The following HS3ST4 variants were observed in gnomAD, a reference collection of about 807,000 sequenced individuals.
HS3ST4 encodes the protein heparan sulfate-glucosamine 3-sulfotransferase 4.
HS3ST4 carries 17 observed loss-of-function variants against 29.2 expected under a neutral mutation model. That is an observed-to-expected ratio of 0.58 (90% CI 0.40 to 0.87). HS3ST4 has a LOEUF of 0.87. HS3ST4 is among the 40% of genes least tolerant of loss of function. HS3ST4 has a pLI of 0.00. For missense variants in HS3ST4, 627 were observed against 634.5 expected, an observed-to-expected ratio of 0.99 and a Z score of 0.13; for synonymous variants, 314 against 285.7, an observed-to-expected ratio of 1.10 and a Z score of -1.00.
chr16:26,042,577 A>T (rs1019298358), intron 1 of HS3ST4, among the ~76,000 whole-genome samples: 6 of 152,246 alleles, frequency 3.9e-5, no homozygotes, highest in African/African-American at 1.2e-4. Flanking sequence ...TTACATCCAA[A>T]TGCATCTGAA....
chr16:26,043,244 C>T (rs1488807221), intron 1 of HS3ST4, among the ~76,000 whole-genome samples: 2 of 152,184 alleles, frequency 1.3e-5, no homozygotes, highest in South Asian at 2.1e-4. Flanking sequence ...AGCAACTTTA[C>T]AATAGCTAGG....
Position 25,854,091 on chromosome 16 carries a change from T to C in HS3ST4, c.734+160940T>C, listed in dbSNP as rs372514530. On this transcript the variant is annotated intron_variant, in intron 1 of 1. Coordinates refer to ENST00000331351, the MANE Select transcript of HS3ST4 (RefSeq NM_006040.3). ...GCTTTGTAGGTTGTATGGATTTCTT[T>C]TTTGTCCATCTGTTTAGCCACTCCA... Among the ~76,000 whole-genome samples, 4 of 151,694 alleles carry C rather than the reference T, an allele frequency of 2.6e-5. No homozygotes were observed. The East Asian group carries it at 7.7e-4, about 29-fold the overall frequency.
rs1555470009 is a variant in HS3ST4 at position 25,873,471 on chromosome 16, C to CATTTATCT, written c.734+180322_734+180323insTTATCTAT. ...CCACCCATCCATTTACCCACCCATC[C>CATTTATCT]ATCTATCTCTCTATCTATCTATCTA... On this transcript the variant is annotated intron_variant, in intron 1 of 1. Coordinates refer to ENST00000331351, the MANE Select transcript of HS3ST4 (RefSeq NM_006040.3). 8.8e-5 allele frequency among the ~76,000 whole-genome samples: 8 copies of CATTTATCT among 90,906 alleles called. No individual in the cohort carries two copies. The East Asian group carries it at 1.2e-3, about 13-fold the overall frequency. 59.6% of individuals were successfully genotyped at this position (90,906 alleles called of 152,430 possible).
At chr16:26,048,736 G>T (rs10163432) in intron 1 of HS3ST4, among the ~76,000 whole-genome samples, 1,721 of 152,264 alleles carry the variant, frequency 0.011, 35 homozygotes, top group African/African-American at 0.038. Context: ...GGGAAGCTGA[G>T]GTGGGAGGAT....
At chr16:26,095,647 G>C (rs1371174091) in intron 1 of HS3ST4, among the ~76,000 whole-genome samples, 4 of 152,162 alleles carry the variant, frequency 2.6e-5, no homozygotes, top group Non-Finnish European at 5.9e-5. Flanking sequence ...AGCACTAAAT[G>C]CCCACAAGAG....
chr16:25,835,149 G>T (rs1412255957), intron 1 of HS3ST4, among the ~76,000 whole-genome samples: 1 of 152,194 alleles, frequency 6.6e-6, no homozygotes, highest in Non-Finnish European at 1.5e-5. Flanking sequence ...CCTATTTAAT[G>T]TCTAAAATGT....
chr16:25,962,108 C>T (rs773051267), intron 1 of HS3ST4, among the ~76,000 whole-genome samples: 13 of 152,150 alleles, frequency 8.5e-5, no homozygotes, highest in African/African-American at 1.2e-4. Flanking sequence ...CTTGAACACA[C>T]CCAGTAGCCT....
At chr16:25,828,259 T>TCTTC in intron 1 of HS3ST4, among the ~76,000 whole-genome samples, 1 of 80,580 alleles carries the variant, frequency 1.2e-5, no homozygotes, top group Non-Finnish European at 2.5e-5. Context: ...TTTCTTTCTT[T>TCTTC]CTTTCTTTCT....
chr16:25,872,173 A>T (rs1479556110), intron 1 of HS3ST4, among the ~76,000 whole-genome samples: 1 of 152,198 alleles, frequency 6.6e-6, no homozygotes, highest in Non-Finnish European at 1.5e-5. Flanking sequence ...TGTCTCTCAA[A>T]TCCCAGAGCG....
At chr16:25,897,102 T>C (rs909522409) in intron 1 of HS3ST4, among the ~76,000 whole-genome samples, 2 of 152,076 alleles carry the variant, frequency 1.3e-5, no homozygotes, top group Non-Finnish European at 2.9e-5. Context: ...CAGCATTATG[T>C]AATATACCTT....
At chr16:26,041,497 A>G (rs1253637698) in intron 1 of HS3ST4, among the ~76,000 whole-genome samples, 1 of 152,174 alleles carries the variant, frequency 6.6e-6, no homozygotes, top group Non-Finnish European at 1.5e-5. Context: ...AAAACGAACA[A>G]ACAAAACAAA....
chr16:25,819,264 T>C (rs1596580621), intron 1 of HS3ST4, among the ~76,000 whole-genome samples: 1 of 152,180 alleles, frequency 6.6e-6, no homozygotes, highest in Non-Finnish European at 1.5e-5. Context: ...GAGTTTTCTT[T>C]CATCATTCCA....
Position 25,845,496 on chromosome 16 carries a change from G to A in HS3ST4, c.734+152345G>A, listed in dbSNP as rs1393671417. Among the ~76,000 whole-genome samples the A allele has an allele frequency of 2.0e-5, 3 of 152,166 alleles. No homozygotes were observed. The East Asian group carries it at 5.8e-4, about 29-fold the overall frequency. On this transcript the variant is annotated intron_variant, in intron 1 of 1. Transcript: ENST00000331351. ...TGCACTTCAGCCTGGGCGACAGAGC[G>A]AGACTTCATTTCAAAACAACAACAA...
intron 1 of HS3ST4, among the ~76,000 whole-genome samples, chr16:26,106,962 C>T (rs879770083): frequency 1.3e-5 from 2 of 152,016 alleles, no homozygotes; most frequent in Non-Finnish European, 2.9e-5. Context: ...GTCCTGTGGC[C>T]TCTTTGGCCA....
At chr16:26,094,043 G>C (rs541877296) in intron 1 of HS3ST4, among the ~76,000 whole-genome samples, 6 of 152,172 alleles carry the variant, frequency 3.9e-5, no homozygotes, top group Non-Finnish European at 7.3e-5. Context: ...ATGAAATAAA[G>C]TGAGAGGACA....
rs184420798 is a variant in HS3ST4 at position 26,046,182 on chromosome 16, G to A, written c.735-89430G>A. Among the ~76,000 whole-genome samples the A allele has an allele frequency of 2.4e-4, 32 of 132,102 alleles. 1 individual carries two copies. Among genetic ancestry groups the A allele is most frequent in the Admixed American group, 1.6e-3 (18 of 11,316 alleles). The allele number at this position is 132,102 out of a possible 152,430, so 86.7% of individuals were successfully genotyped here. On this transcript the variant is annotated intron_variant, in intron 1 of 1. Coordinates refer to ENST00000331351, the MANE Select transcript of HS3ST4 (RefSeq NM_006040.3). ...TTTTTTTTTTTTGAGACAGAGTATCGCTCTATCGCCCAGGCTGGAGTGCAA... is the reference window on the plus strand; with the variant it reads ...TTTTTTTTTTTTGAGACAGAGTATCACTCTATCGCCCAGGCTGGAGTGCAA...
At chr16:25,902,523 A>T (rs1007775993) in intron 1 of HS3ST4, among the ~76,000 whole-genome samples, 1 of 151,984 alleles carries the variant, frequency 6.6e-6, no homozygotes, top group Non-Finnish European at 1.5e-5. Context: ...ACCATAGAAA[A>T]GACAATTATT....
At chr16:26,056,038 G>A (rs1268314536) in intron 1 of HS3ST4, among the ~76,000 whole-genome samples, 2 of 61,778 alleles carry the variant, frequency 3.2e-5, no homozygotes, top group Non-Finnish European at 6.2e-5. Context: ...GAAAGAGAGA[G>A]ACAGAGAGAG....
chr16:26,033,406 T>C (rs1034467386), intron 1 of HS3ST4, among the ~76,000 whole-genome samples: 1 of 151,476 alleles, frequency 6.6e-6, no homozygotes, highest in Non-Finnish European at 1.5e-5. Context: ...TCCCAGCTAC[T>C]TGGGAGGCTG....
Sources: gnomAD v4.1 joint callset for allele counts (sites outside exome capture counted in the v4.1 genomes callset) on GRCh38, gnomAD v4.1.1 for gene constraint, MANE v1.5 for transcripts, NCBI Gene and HGNC (gene_info 2026-07-23, HGNC 2026-07-21) for gene names.